The following WDR59 variants were observed in gnomAD, a reference collection of about 807,000 sequenced individuals.
WDR59 encodes WD repeat domain 59.
WDR59 carries 100 observed loss-of-function variants against 131.2 expected under a neutral mutation model. The ratio of observed to expected loss-of-function variants is 0.76; its 90% CI spans 0.65 to 0.90. The LOEUF is 0.90. Among genes scored for constraint, WDR59 ranks in the 40% least tolerant of loss-of-function variants. The pLI is 0.00. For synonymous variants in WDR59, 601 were observed against 466.2 expected (o/e 1.29, Z -3.72); for missense variants, 1,203 against 1,262.2 (o/e 0.95, Z 0.71).
chr16:74,896,497 T>A (rs1249219200), intron 18 of WDR59, among the ~76,000 whole-genome samples: 2 of 152,070 alleles, frequency 1.3e-5, no homozygotes, highest in African/African-American at 4.8e-5. Flanking sequence ...TAGCAGGGCA[T>A]GGGGGCGTGG....
intron 18 of WDR59, among the ~76,000 whole-genome samples, chr16:74,898,975 C>T (rs1180050673): frequency 6.6e-6 from 1 of 152,174 alleles, no homozygotes. Context: ...GGATGATTCC[C>T]CTGAATATTC....
chr16:74,941,763 A>G (rs956354328), intron 7 of WDR59, among the ~76,000 whole-genome samples: 1 of 151,956 alleles, frequency 6.6e-6, no homozygotes, highest in African/African-American at 2.4e-5. Flanking sequence ...AGAGCTATCT[A>G]AGGCAGAGGG....
chr16:74,912,322 C>A lies in WDR59; in HGVS notation c.1265G>T (p.Cys422Phe). ...ADRSCTVSVH[C>F]SNHRVKMLVK... ...CAGCATCTTGACACGATGGTTGCTG[C>A]AGTGCACAGACACTGTGCAGCTCCT... Residue 422 changes from cysteine (C) to phenylalanine (F), a missense_variant, in exon 14 of 26, where the codon TGC becomes TTC. Transcript: ENST00000262144. The A allele has an allele frequency of 6.2e-7, 1 of 1,614,092 alleles. No homozygotes were observed. Among genetic ancestry groups the A allele is most frequent in the Non-Finnish European group, 8.5e-7 (1 of 1,180,024 alleles).
intron 10 of WDR59, among the ~76,000 whole-genome samples, chr16:74,920,068 CA>C (rs71378717): frequency 0.25 from 30,489 of 120,770 alleles, 3,303 homozygotes; most frequent in Middle Eastern, 0.33. Context: ...GACCCTATCT[CA>C]AAAAAAAAAA....
intron 6 of WDR59, among the ~76,000 whole-genome samples, chr16:74,946,721 T>A (rs1260950762): frequency 6.6e-6 from 1 of 150,946 alleles, no homozygotes; most frequent in African/African-American, 2.4e-5. Flanking sequence ...AGGATCTGTC[T>A]CAAAAAAAAA....
At position 74,892,509 on chromosome 16, in the gene WDR59, A is replaced by G. The variant is rs760148310; in HGVS notation, c.2057T>C (p.Leu686Pro). The G allele has an allele frequency of 3.2e-5, 52 of 1,613,852 alleles. No homozygotes were observed. The highest frequency in any genetic ancestry group is 3.4e-6 in the Non-Finnish European group (4 of 1,179,962). Reference sequence around the variant, plus strand: ...CTGGACAAGATCCTTTCTTCCAACGAGCAAGGCAGAGGCGGCATTCTTCTG... The same window carrying G: ...CTGGACAAGATCCTTTCTTCCAACGGGCAAGGCAGAGGCGGCATTCTTCTG... The part of the protein sequence containing the change: ...TCQKNAASAL[L>P]VGRKDLVQVW... Residue 686 changes from leucine to proline, a missense_variant, in exon 20 of 26, where the codon CTC becomes CCC. Transcript: ENST00000262144.
chr16:74,912,406 A>G, intron 13 of WDR59, 44 bp from the exon 14 acceptor site: 1 of 1,587,946 alleles, frequency 6.3e-7, no homozygotes, highest in Admixed American at 1.7e-5. Context: ...CAAACCATAA[A>G]GCGTCTTTCG....
intron 8 of WDR59, among the ~76,000 whole-genome samples, chr16:74,934,486 T>C (rs891347219): frequency 1.3e-5 from 2 of 152,182 alleles, no homozygotes; most frequent in Non-Finnish European, 2.9e-5. Context: ...ATAAAACGAT[T>C]ATATGTCATT....
intron 8 of WDR59, among the ~76,000 whole-genome samples, chr16:74,926,636 T>C (rs1282987750): frequency 2.0e-5 from 3 of 152,222 alleles, no homozygotes; most frequent in Admixed American, 6.5e-5. Flanking sequence ...TATAGGGATA[T>C]ATATTCAGGC....
intron 5 of WDR59, among the ~76,000 whole-genome samples, chr16:74,949,428 G>C (rs968620807): frequency 6.7e-6 from 1 of 148,572 alleles, no homozygotes; most frequent in Non-Finnish European, 1.5e-5. Context: ...GAGGAAAGGA[G>C]GGAGGGAGGG....
rs1258505531 is a variant in WDR59, at chr16:74,885,682, G to A, written c.2660C>T (p.Ser887Phe). The change falls in exon 25 of 26, where the codon TCC becomes TTC. Residue 887 changes from serine to phenylalanine, a missense_variant. Coordinates refer to ENST00000262144, the MANE Select transcript of WDR59 (RefSeq NM_030581.4). Reference protein sequence around the residue: ...EKRAEVLKFVSCPPDPHKGIE... With the variant: ...EKRAEVLKFVFCPPDPHKGIE... Reference sequence around the variant, plus strand: ...CCCTTTGTGAGGGTCAGGAGGACAGGAGACAAACTTCAACACTTCAGCTCG... The same window carrying A: ...CCCTTTGTGAGGGTCAGGAGGACAGAAGACAAACTTCAACACTTCAGCTCG... 2 of 1,613,914 alleles carry A rather than the reference G, an allele frequency of 1.2e-6. No homozygotes were observed. Among genetic ancestry groups the A allele is most frequent in the East Asian group, 4.5e-5 (2 of 44,880 alleles).
chr16:74,883,723 G>T (rs1294312579), intron 25 of WDR59, among the ~76,000 whole-genome samples: 1 of 152,024 alleles, frequency 6.6e-6, no homozygotes, highest in African/African-American at 2.4e-5. Flanking sequence ...CTAGCTCCAG[G>T]TATTGGTTTC....
chr16:74,945,952 A>G (rs886967024), intron 6 of WDR59, among the ~76,000 whole-genome samples: 16 of 151,346 alleles, frequency 1.1e-4, no homozygotes, highest in South Asian at 4.2e-4. Context: ...CAAGAAGCTG[A>G]GATTACAGGC....
intron 1 of WDR59, among the ~76,000 whole-genome samples, chr16:74,973,587 C>T (rs2034072911): frequency 6.6e-6 from 1 of 152,150 alleles, no homozygotes; most frequent in South Asian, 2.1e-4. Flanking sequence ...CATGCTTGGC[C>T]CAACAGTTTC....
chr16:74,900,149 G>A (rs1339495351), intron 18 of WDR59, among the ~76,000 whole-genome samples: 2 of 152,198 alleles, frequency 1.3e-5, no homozygotes, highest in Non-Finnish European at 2.9e-5. Context: ...GAGGTAAGAA[G>A]GAGAACATAT....
chr16:74,934,641 G>A (rs1567408738), intron 8 of WDR59, among the ~76,000 whole-genome samples: 1 of 152,112 alleles, frequency 6.6e-6, no homozygotes, highest in Non-Finnish European at 1.5e-5. Context: ...CTACAGATCA[G>A]AAAAAAGTCC....
intron 8 of WDR59, among the ~76,000 whole-genome samples, chr16:74,927,211 G>A (rs1012755666): frequency 1.3e-5 from 2 of 152,160 alleles, no homozygotes; most frequent in African/African-American, 2.4e-5. Flanking sequence ...TGGCATAACT[G>A]TTAAATTTAA....
chr16:74,877,185 G>A (rs775248615), intron 25 of WDR59, among the ~76,000 whole-genome samples: 22 of 152,114 alleles, frequency 1.4e-4, no homozygotes, highest in Admixed American at 1.0e-3. Flanking sequence ...TGATAAGTCA[G>A]TATATTTTAA....
In WDR59 at chr16:74,910,030, C is replaced by T. The variant is rs12324959; in HGVS notation, c.1390-113G>A. 9 of 865,304 alleles carry T rather than the reference C, an allele frequency of 1.0e-5. No homozygotes were observed. The Admixed American group carries it at 1.3e-4, about 12-fold the overall frequency. 53.6% of individuals were successfully genotyped at this position (865,304 alleles called of 1,614,324 possible). The stretch of plus-strand genomic sequence containing the variant: ...TTGCCCAGGCTGGAGTGTAGTGGTA[C>T]GATCTCGGCTCATTGCAACCTCTGC... On this transcript the variant is annotated intron_variant, in intron 14 of 25. Transcript: ENST00000262144.
Sources: allele counts gnomAD v4.1 joint callset (sites outside exome capture counted in the v4.1 genomes callset), GRCh38; gene constraint gnomAD v4.1.1; transcripts MANE v1.5; gene names NCBI Gene and HGNC (gene_info 2026-07-23, HGNC 2026-07-21).